The following SKAP1 variants were observed in gnomAD, a reference collection of about 807,000 sequenced individuals.
The protein encoded by SKAP1 is src kinase associated phosphoprotein 1, also known as src kinase-associated phosphoprotein 1.
Under a neutral mutation model 58.5 loss-of-function variants are expected in SKAP1, and 44 were observed. The ratio of observed to expected loss-of-function variants is 0.75; its 90% confidence interval spans 0.59 to 0.97. SKAP1 has a LOEUF of 0.97. Ranked by LOEUF, SKAP1 falls within the 50% of genes least tolerant of loss-of-function variation. SKAP1 has a pLI of 0.00. For missense variants in SKAP1, 390 were observed against 435.2 expected (o/e 0.90, Z 0.92); for synonymous variants, 127 against 149.7 (o/e 0.85, Z 1.11).
At chr17:48,327,039 C>T (rs1388451177) in intron 4 of SKAP1, among the ~76,000 whole-genome samples, 2 of 151,882 alleles carry the variant, frequency 1.3e-5, no homozygotes, top group East Asian at 1.9e-4. Context: ...TATAGGCGTG[C>T]GCCACCATGC....
intron 10 of SKAP1, among the ~76,000 whole-genome samples, chr17:48,169,581 A>T (rs1005344854): frequency 6.6e-6 from 1 of 152,206 alleles, no homozygotes; most frequent in Non-Finnish European, 1.5e-5. Context: ...GCTTTGGCGC[A>T]TGACTTCTGA....
intron 4 of SKAP1, among the ~76,000 whole-genome samples, chr17:48,311,453 C>T (rs533958435): frequency 1.1e-4 from 17 of 152,010 alleles, no homozygotes; most frequent in Admixed American, 3.3e-4. Context: ...GTCACAATGC[C>T]CTAAATAATT....
intron 2 of SKAP1, among the ~76,000 whole-genome samples, chr17:48,393,963 C>G (rs1393616486): frequency 6.6e-6 from 1 of 152,114 alleles, no homozygotes; most frequent in African/African-American, 2.4e-5. Context: ...AGGCCAGGCA[C>G]AGAGACTCAG....
intron 2 of SKAP1, among the ~76,000 whole-genome samples, chr17:48,368,629 T>A (rs1490406770): frequency 6.6e-6 from 1 of 152,148 alleles, no homozygotes; most frequent in African/African-American, 2.4e-5. Flanking sequence ...CCATACTCAA[T>A]ATCATCAGGA....
intron 4 of SKAP1, among the ~76,000 whole-genome samples, chr17:48,297,463 A>C (rs1303548126): frequency 6.6e-6 from 1 of 152,204 alleles, no homozygotes; most frequent in Non-Finnish European, 1.5e-5. Flanking sequence ...CTTAGTTAGG[A>C]ATGGGGCAAA....
At chr17:48,439,093 A>G in the SKAP1 span, among the ~76,000 whole-genome samples, 1 of 152,244 alleles carries the variant, frequency 6.6e-6, no homozygotes, top group Non-Finnish European at 1.5e-5. Context: ...TCCAAGGACA[A>G]TTGAGTAGCT....
At chr17:48,425,014 C>G (rs1598689798) in intron 1 of SKAP1, among the ~76,000 whole-genome samples, 3 of 151,898 alleles carry the variant, frequency 2.0e-5, no homozygotes, top group African/African-American at 7.2e-5. Flanking sequence ...AATCCCAGCA[C>G]TTTGGGAGGC....
chr17:48,319,043 G>A (rs1285697859), intron 4 of SKAP1, among the ~76,000 whole-genome samples: 1 of 152,166 alleles, frequency 6.6e-6, no homozygotes, highest in Admixed American at 6.5e-5. Flanking sequence ...AATACATGAG[G>A]TTTTGGGCTT....
the SKAP1 span, among the ~76,000 whole-genome samples, chr17:48,442,148 G>A: frequency 2.0e-5 from 3 of 152,162 alleles, no homozygotes; most frequent in Non-Finnish European, 2.9e-5. Flanking sequence ...GTCGGTCCAA[G>A]TTGTTAATAC....
At chr17:48,214,858 G>T (rs564649385) in intron 4 of SKAP1, among the ~76,000 whole-genome samples, 2 of 151,262 alleles carry the variant, frequency 1.3e-5, no homozygotes, top group Non-Finnish European at 3.0e-5. Context: ...GGAGGCGGAG[G>T]TTGCAGTGAG....
chr17:48,295,937 T>C (rs1598525888), intron 4 of SKAP1, among the ~76,000 whole-genome samples: 1 of 152,088 alleles, frequency 6.6e-6, no homozygotes, highest in African/African-American at 2.4e-5. Context: ...GCAAAACATA[T>C]ATGCATATAC....
chr17:48,248,111 C>T (rs985108072), intron 4 of SKAP1, among the ~76,000 whole-genome samples: 1 of 152,102 alleles, frequency 6.6e-6, no homozygotes, highest in East Asian at 1.9e-4. Context: ...TAAAAGAGGC[C>T]AATGAACAGA....
chr17:48,313,381 C>T lies in SKAP1; in HGVS notation c.280+32524G>A, dbSNP rs142017644. On this transcript the variant is annotated intron_variant, in intron 4 of 12. Coordinates refer to ENST00000336915, the MANE Select transcript of SKAP1 (RefSeq NM_003726.4). ...GGCTAAATGTGTGAACAGAAGCTGA[C>T]CCGTGAAGTTCTGATATCCAATTTT... 6.6e-3 allele frequency among the ~76,000 whole-genome samples: 1,006 copies of T among 152,278 alleles called. 7 individuals are homozygous for T. Among genetic ancestry groups the T allele is most frequent in the Non-Finnish European group, 0.01 (696 of 68,024 alleles).
intron 4 of SKAP1, among the ~76,000 whole-genome samples, chr17:48,250,438 G>A (rs939099435): frequency 4.6e-5 from 7 of 150,914 alleles, no homozygotes; most frequent in East Asian, 2.0e-4. Flanking sequence ...GTGCACCACC[G>A]CGCCCAGCTA....
At chr17:48,393,643 C>T (rs1307842358) in intron 2 of SKAP1, among the ~76,000 whole-genome samples, 1 of 152,136 alleles carries the variant, frequency 6.6e-6, no homozygotes, top group Non-Finnish European at 1.5e-5. Context: ...TAAAGTTTAC[C>T]AAGAATCACA....
chr17:48,296,006 A>G (rs1388175755), intron 4 of SKAP1, among the ~76,000 whole-genome samples: 1 of 152,130 alleles, frequency 6.6e-6, no homozygotes, highest in Admixed American at 6.5e-5. Context: ...GATTATTAAA[A>G]TTGATCCTGG....
chr17:48,289,656 G>A (rs1440585719), intron 4 of SKAP1, among the ~76,000 whole-genome samples: 1 of 151,878 alleles, frequency 6.6e-6, no homozygotes, highest in Non-Finnish European at 1.5e-5. Flanking sequence ...AGAAAAAAAT[G>A]AAAATACAGA....
chr17:48,440,948 T>C, the SKAP1 span, among the ~76,000 whole-genome samples: 1 of 152,198 alleles, frequency 6.6e-6, no homozygotes, highest in East Asian at 1.9e-4. Context: ...CCCCACAGCC[T>C]CTTTCCTTAA....
intron 4 of SKAP1, among the ~76,000 whole-genome samples, chr17:48,331,267 A>AT (rs925213287): frequency 4.6e-5 from 7 of 152,274 alleles, no homozygotes; most frequent in Non-Finnish European, 7.4e-5. Context: ...TATGATGTGG[A>AT]TTTTTTAAAA....
Sources: allele counts gnomAD v4.1 joint callset (sites outside exome capture counted in the v4.1 genomes callset), GRCh38; gene constraint gnomAD v4.1.1; transcripts MANE v1.5; gene names NCBI Gene and HGNC (gene_info 2026-07-23, HGNC 2026-07-21).